Variants in NR2F1-AS1 observed in about 807,000 individuals in gnomAD.
NR2F1-AS1 encodes the protein NR2F1 regulatory antisense RNA 1.
At chr5:93,463,191 GGTGCCCTGT>G (rs1278531790) in intron 4 of NR2F1-AS1, among the ~76,000 whole-genome samples, 3 of 152,310 alleles carry the variant, frequency 2.0e-5, no homozygotes, top group East Asian at 3.9e-4. Flanking sequence ...CTAGGGAATT[GGTGCCCTGT>G]GTTCCAGCCA....
At chr5:93,523,179 T>C (rs1306200337) in intron 4 of NR2F1-AS1, among the ~76,000 whole-genome samples, 1 of 152,018 alleles carries the variant, frequency 6.6e-6, no homozygotes, top group Non-Finnish European at 1.5e-5. Context: ...GTGTCTGCCA[T>C]TACTGAGGAT....
At chr5:93,472,965 A>T (rs1345451246) in intron 4 of NR2F1-AS1, among the ~76,000 whole-genome samples, 1 of 151,906 alleles carries the variant, frequency 6.6e-6, no homozygotes, top group East Asian at 1.9e-4. Context: ...ACATGACCTG[A>T]ACAATTTTTG....
At chr5:93,550,625 CT>C (rs1209553746) in intron 4 of NR2F1-AS1, among the ~76,000 whole-genome samples, 2 of 152,144 alleles carry the variant, frequency 1.3e-5, no homozygotes, top group African/African-American at 2.4e-5. Flanking sequence ...ATTCTAAAGA[CT>C]TTTTTTAATC....
rs1349785156 is a variant in NR2F1-AS1 at position 93,545,155 on chromosome 5, T to C, written n.638+8606A>G. ...CACTTAAGTCCCTATAGAGTTAAGA[T>C]GGGTTACACCGTTTAATAACAAACA... is the stretch of plus-strand genomic sequence containing the variant. On this transcript the variant is annotated intron_variant and non_coding_transcript_variant, in intron 4 of 5. Coordinates refer to ENST00000660523, the Ensembl canonical transcript of NR2F1-AS1. Among the ~76,000 whole-genome samples the C allele has an allele frequency of 2.0e-5, 3 of 152,320 alleles. No homozygotes were observed. In the South Asian group the frequency reaches 6.2e-4, roughly 32 times the overall value.
chr5:93,559,715 A>G (rs1752443797), intron 2 of NR2F1-AS1, among the ~76,000 whole-genome samples: 1 of 152,212 alleles, frequency 6.6e-6, no homozygotes, highest in Non-Finnish European at 1.5e-5. Flanking sequence ...TGGCCCAAGG[A>G]GAGAAAGAGG....
intron 4 of NR2F1-AS1, among the ~76,000 whole-genome samples, chr5:93,469,275 A>C (rs915621742): frequency 4.5e-4 from 68 of 152,230 alleles, no homozygotes; most frequent in Non-Finnish European, 7.5e-4. Flanking sequence ...TAGGCTACAA[A>C]CCCATAGAAC....
chr5:93,513,730 T>C (rs928856090), intron 4 of NR2F1-AS1, among the ~76,000 whole-genome samples: 3 of 152,000 alleles, frequency 2.0e-5, no homozygotes, highest in Non-Finnish European at 4.4e-5. Context: ...GTTGACAGGA[T>C]CAATCACATC....
At chr5:93,584,838 CGGCGGCGGA>C, upstream of NR2F1-AS1, 1 of 158,498 alleles carries the variant, frequency 6.3e-6, no homozygotes, top group South Asian at 1.7e-4. Context: ...GCAGCGGCGG[CGGCGGCGGA>C]GGCAGCGGCC....
intron 4 of NR2F1-AS1, among the ~76,000 whole-genome samples, chr5:93,534,793 T>G (rs552242102): frequency 6.6e-6 from 1 of 152,282 alleles, no homozygotes; most frequent in East Asian, 1.9e-4. Context: ...TAAAAACCTC[T>G]ATTGGTCCAC....
At chr5:93,437,656 T>A (rs1335241134) in intron 4 of NR2F1-AS1, among the ~76,000 whole-genome samples, 1 of 152,176 alleles carries the variant, frequency 6.6e-6, no homozygotes, top group African/African-American at 2.4e-5. Flanking sequence ...CCTAGGTGAA[T>A]TCAGTTTGTG....
chr5:93,450,023 G>A (rs1194902685), intron 4 of NR2F1-AS1, among the ~76,000 whole-genome samples: 1 of 152,176 alleles, frequency 6.6e-6, no homozygotes, highest in East Asian at 1.9e-4. Flanking sequence ...TCTGTGAGGA[G>A]ATTTTAGTGG....
upstream of NR2F1-AS1, among the ~76,000 whole-genome samples, chr5:93,582,848 G>A (rs1753138617): frequency 6.6e-6 from 1 of 151,782 alleles, no homozygotes; most frequent in African/African-American, 2.4e-5. Flanking sequence ...AAATAGCAGC[G>A]CAGGGCGATC....
At chr5:93,514,721 T>C (rs1318354120) in intron 4 of NR2F1-AS1, among the ~76,000 whole-genome samples, 1 of 152,054 alleles carries the variant, frequency 6.6e-6, no homozygotes. Context: ...AAGAGTATAA[T>C]TAGGAATCAA....
intron 4 of NR2F1-AS1, among the ~76,000 whole-genome samples, chr5:93,521,802 G>A (rs1182394618): frequency 6.6e-6 from 1 of 152,120 alleles, no homozygotes; most frequent in African/African-American, 2.4e-5. Flanking sequence ...ATGCAGTATG[G>A]CGATTCCTCA....
chr5:93,583,681 C>T (rs922044662), upstream of NR2F1-AS1: 1 of 151,960 alleles, frequency 6.6e-6, no homozygotes, highest in Non-Finnish European at 1.5e-5. Context: ...TTTGGGCGAT[C>T]TCCAGGGTTT....
chr5:93,524,816 T>C (rs1346769261), intron 4 of NR2F1-AS1, among the ~76,000 whole-genome samples: 1 of 152,128 alleles, frequency 6.6e-6, no homozygotes, highest in Non-Finnish European at 1.5e-5. Flanking sequence ...CTGAGAGATT[T>C]TGTCACCACC....
chr5:93,526,651 A>G (rs960597336), intron 4 of NR2F1-AS1, among the ~76,000 whole-genome samples: 3 of 152,158 alleles, frequency 2.0e-5, no homozygotes, highest in African/African-American at 7.2e-5. Context: ...ATCTACCACA[A>G]TCAAGTTGGT....
intron 4 of NR2F1-AS1, among the ~76,000 whole-genome samples, chr5:93,412,198 C>T (rs1226996831): frequency 6.6e-6 from 1 of 152,206 alleles, no homozygotes; most frequent in Non-Finnish European, 1.5e-5. Context: ...TCTCTCTGAA[C>T]TGTCTTACTG....
At chr5:93,582,003 T>TTC (rs144073259), upstream of NR2F1-AS1, among the ~76,000 whole-genome samples, 52 of 91,480 alleles carry the variant, frequency 5.7e-4, no homozygotes, top group East Asian at 4.3e-3. Context: ...CTCTCCTCTC[T>TTC]TCTCTCTCTC....
Sources: allele counts gnomAD v4.1 joint callset (sites outside exome capture counted in the v4.1 genomes callset), GRCh38; gene constraint gnomAD v4.1.1; transcripts MANE v1.5; gene names NCBI Gene and HGNC (gene_info 2026-07-23, HGNC 2026-07-21).